TMTC1: variants seen among roughly 807,000 people sequenced by gnomAD.
The protein encoded by TMTC1 is transmembrane O-mannosyltransferase targeting cadherins 1, also known as protein O-mannosyl-transferase TMTC1.
In TMTC1, 73 loss-of-function variants were observed where a neutral mutation model predicts 104.8. That is an observed-to-expected ratio of 0.70 (90% CI 0.58 to 0.85). TMTC1 has a LOEUF of 0.85. Ranked by LOEUF, TMTC1 falls within the 40% of genes least tolerant of loss-of-function variation. TMTC1 has a pLI of 0.00. For synonymous variants in TMTC1, 434 were observed against 428.7 expected (o/e 1.01, Z -0.15); for missense variants, 1,035 against 1,096.1 (o/e 0.94, Z 0.79).
At chr12:29,587,173 A>T (rs533526316) in intron 7 of TMTC1, among the ~76,000 whole-genome samples, 366 of 152,122 alleles carry the variant, frequency 2.4e-3, no homozygotes, top group African/African-American at 8.6e-3. Context: ...GGAGGGTGTA[A>T]GTGTCGAGGA....
At chr12:29,565,459 G>A (rs747674026) in intron 9 of TMTC1, among the ~76,000 whole-genome samples, 9 of 152,180 alleles carry the variant, frequency 5.9e-5, no homozygotes, top group Admixed American at 1.3e-4. Flanking sequence ...AAAGATAGAC[G>A]TAATTTAGGA....
intron 8 of TMTC1, among the ~76,000 whole-genome samples, chr12:29,576,680 T>C (rs1393347475): frequency 2.0e-5 from 3 of 152,166 alleles, no homozygotes; most frequent in African/African-American, 7.2e-5. Flanking sequence ...TGCAGTTATG[T>C]AGATGACTAA....
At position 29,737,319 on chromosome 12, in the gene TMTC1, G is replaced by A. The variant is rs192861780; in HGVS notation, c.938+14347C>T. 1.1e-3 allele frequency among the ~76,000 whole-genome samples: 174 copies of A among 152,278 alleles called. 1 individual carries two copies. Among genetic ancestry groups the A allele is most frequent in the African/African-American group, 3.8e-3 (158 of 41,578 alleles). On this transcript the variant is annotated intron_variant, in intron 5 of 17. Transcript: ENST00000539277. ...GGATCACTTGAGGTCCGGAATTCAAGACCAGCCTGACCAACGTGGAGAAAC... is the reference window on the plus strand; with the variant it reads ...GGATCACTTGAGGTCCGGAATTCAAAACCAGCCTGACCAACGTGGAGAAAC...
intron 9 of TMTC1, among the ~76,000 whole-genome samples, chr12:29,563,260 G>A (rs1056481917): frequency 2.0e-5 from 3 of 152,144 alleles, no homozygotes; most frequent in African/African-American, 4.8e-5. Context: ...TTCCAGACAC[G>A]TGTAATTGAA....
In TMTC1 at chr12:29,518,404, A is replaced by T. The variant is rs200238487; in HGVS notation, c.2024+68T>A. On this transcript the variant is annotated intron_variant, in intron 13 of 17. Coordinates refer to ENST00000539277, the MANE Select transcript of TMTC1 (RefSeq NM_001193451.2). Reference sequence around the variant, plus strand: ...TCTGAGAGCACACCTATTCTGATTAACTAAGAAGCTGATGAGTGATTGCTG... The same window carrying T: ...TCTGAGAGCACACCTATTCTGATTATCTAAGAAGCTGATGAGTGATTGCTG... 5.1e-4 allele frequency: 795 copies of T among 1,563,776 alleles called. 2 individuals are homozygous for T. The Middle Eastern group carries it at 7.4e-3, about 15-fold the overall frequency.
intron 10 of TMTC1, among the ~76,000 whole-genome samples, chr12:29,547,410 G>A (rs1157454439): frequency 6.6e-6 from 1 of 152,152 alleles, no homozygotes; most frequent in Non-Finnish European, 1.5e-5. Flanking sequence ...TGCAGTAGGG[G>A]AGAGGGACTC....
chr12:29,514,740 C>T (rs1195076289), intron 15 of TMTC1, 136 bp from the exon 16 acceptor site: 4 of 968,970 alleles, frequency 4.1e-6, no homozygotes, highest in Non-Finnish European at 5.9e-6. Context: ...AATTCTTGGT[C>T]AGGCGTAGTG....
At chr12:29,685,726 T>C (rs945726175) in intron 5 of TMTC1, among the ~76,000 whole-genome samples, 2 of 152,126 alleles carry the variant, frequency 1.3e-5, no homozygotes, top group Non-Finnish European at 2.9e-5. Flanking sequence ...GAAAATTGTT[T>C]TTATGTAATT....
intron 9 of TMTC1, among the ~76,000 whole-genome samples, chr12:29,566,492 A>C (rs1440892344): frequency 6.6e-6 from 1 of 152,136 alleles, no homozygotes; most frequent in South Asian, 2.1e-4. Flanking sequence ...TCCTGACCTC[A>C]TGTAATCCAC....
intron 6 of TMTC1, among the ~76,000 whole-genome samples, chr12:29,616,600 GGAGGTTGCAGT>G (rs1210559104): frequency 1.3e-5 from 2 of 151,032 alleles, no homozygotes; most frequent in African/African-American, 4.9e-5. Flanking sequence ...TCCGGGAGGC[GGAGGTTGCAGT>G]GAGCTGAGAT....
intron 1 of TMTC1, among the ~76,000 whole-genome samples, chr12:29,775,026 G>GT (rs1463139338): frequency 6.6e-6 from 1 of 152,096 alleles, no homozygotes; most frequent in African/African-American, 2.4e-5. Context: ...TAGTACTAGA[G>GT]TAATAGTACA....
chr12:29,720,724 C>G (rs1942214464), intron 5 of TMTC1, among the ~76,000 whole-genome samples: 1 of 151,652 alleles, frequency 6.6e-6, no homozygotes, highest in East Asian at 1.9e-4. Context: ...AAAAGATAAA[C>G]AATGAATAGA....
At chr12:29,516,910 TC>T (rs1944003490) in intron 14 of TMTC1, among the ~76,000 whole-genome samples, 1 of 152,200 alleles carries the variant, frequency 6.6e-6, no homozygotes, top group African/African-American at 2.4e-5. Context: ...ATGTTAATTT[TC>T]CTGAGTCTAA....
intron 5 of TMTC1, among the ~76,000 whole-genome samples, chr12:29,665,182 C>T (rs1007001785): frequency 2.6e-5 from 4 of 152,108 alleles, no homozygotes; most frequent in South Asian, 2.1e-4. Context: ...TCAAGGGATT[C>T]GTGAAAAGTC....
At chr12:29,601,212 G>T (rs1334503414) in intron 7 of TMTC1, among the ~76,000 whole-genome samples, 1 of 152,202 alleles carries the variant, frequency 6.6e-6, no homozygotes, top group African/African-American at 2.4e-5. Flanking sequence ...CATGATTCTG[G>T]GGGTTGGAGG....
rs187939586 is a variant in TMTC1, at chr12:29,769,223, C to T, written c.303-1148G>A. On this transcript the variant is annotated intron_variant, in intron 1 of 17. Transcript: ENST00000539277. Reference sequence around the variant, plus strand: ...TTAAACATCTCAAGATTTATTTGGACATATGAATGCAAATGTCATAGTTAC... The same window carrying T: ...TTAAACATCTCAAGATTTATTTGGATATATGAATGCAAATGTCATAGTTAC... Among the ~76,000 whole-genome samples the T allele has an allele frequency of 1.2e-4, 18 of 152,334 alleles. No individual in the cohort carries two copies. The East Asian group carries it at 3.3e-3, about 28-fold the overall frequency.
At chr12:29,646,385 T>A (rs964226725) in intron 5 of TMTC1, among the ~76,000 whole-genome samples, 1 of 152,228 alleles carries the variant, frequency 6.6e-6, no homozygotes, top group Non-Finnish European at 1.5e-5. Flanking sequence ...CCTTTATGTT[T>A]CAATGTTAGC....
chr12:29,756,140 C>G (rs529114987), intron 3 of TMTC1, among the ~76,000 whole-genome samples: 2 of 152,306 alleles, frequency 1.3e-5, no homozygotes, highest in East Asian at 3.9e-4. Context: ...GAGAGACATA[C>G]TTAGTCATAT....
At chr12:29,541,807 C>T (rs953591337) in intron 10 of TMTC1, among the ~76,000 whole-genome samples, 3 of 152,010 alleles carry the variant, frequency 2.0e-5, no homozygotes, top group African/African-American at 7.3e-5. Flanking sequence ...TACAGGCACA[C>T]ACCACCACGC....
Sources: allele counts gnomAD v4.1 joint callset (sites outside exome capture counted in the v4.1 genomes callset), GRCh38; gene constraint gnomAD v4.1.1; transcripts MANE v1.5; gene names NCBI Gene and HGNC (gene_info 2026-07-23, HGNC 2026-07-21).